The following BMS1 variants were observed in gnomAD, a reference collection of about 807,000 sequenced individuals.
The protein encoded by BMS1 is BMS1 ribosome biogenesis factor.
In BMS1, 53 loss-of-function variants were observed where a neutral mutation model predicts 138.7. The ratio of observed to expected loss-of-function variants is 0.38; its 90% CI spans 0.31 to 0.48. BMS1 has a LOEUF of 0.48. BMS1 is among the 20% of genes least tolerant of loss of function. The pLI, the probability that BMS1 is intolerant of heterozygous loss-of-function variation, is 0.97. For synonymous variants in BMS1, 504 were observed against 539.9 expected (o/e 0.93, Z 0.92); for missense variants, 1,360 against 1,565.5 (o/e 0.87, Z 2.22).
rs1278533247 is a variant in BMS1, at chr10:42,825,925, C to T, written c.3456+2141C>T. On this transcript the variant is annotated intron_variant, in intron 21 of 22. Transcript: ENST00000374518. ...GGTTTTTCATAAATGGGCTTTATTA[C>T]GTTGAGGAACTTTCCTTCTATACAT... Among the ~76,000 whole-genome samples the T allele has an allele frequency of 9.9e-5, 15 of 152,252 alleles. No individual in the cohort carries two copies. The South Asian group carries it at 1.9e-3, about 19-fold the overall frequency.
intron 21 of BMS1, among the ~76,000 whole-genome samples, chr10:42,826,867 A>G (rs1354777215): frequency 6.6e-6 from 1 of 152,128 alleles, no homozygotes; most frequent in Non-Finnish European, 1.5e-5. Context: ...GCACCAAGTC[A>G]ACTCAGGCTC....
chr10:42,786,655 G>A (rs1023208098), intron 3 of BMS1, among the ~76,000 whole-genome samples: 1 of 151,690 alleles, frequency 6.6e-6, no homozygotes, highest in African/African-American at 2.4e-5. Context: ...AAAACTCCTG[G>A]GCTCAAGGGA....
At chr10:42,789,396 A>G (rs191871131) in intron 4 of BMS1, among the ~76,000 whole-genome samples, 36 of 151,286 alleles carry the variant, frequency 2.4e-4, no homozygotes, top group Non-Finnish European at 5.9e-5. Flanking sequence ...AAAGATGGGC[A>G]TTTCTGTTTC....
chr10:42,795,615 CT>C (rs1453913216), intron 9 of BMS1, among the ~76,000 whole-genome samples: 11 of 152,112 alleles, frequency 7.2e-5, no homozygotes, highest in African/African-American at 1.2e-4. Flanking sequence ...GCCACTACCC[CT>C]GGCCTATTAT....
At chr10:42,822,515 A>G (rs112027606) in intron 19 of BMS1, among the ~76,000 whole-genome samples, 5 of 152,216 alleles carry the variant, frequency 3.3e-5, no homozygotes, top group Non-Finnish European at 7.4e-5. Flanking sequence ...TAAGAAAGGG[A>G]AAAAAATCAC....
chr10:42,826,585 G>A (rs1257851144), intron 21 of BMS1, among the ~76,000 whole-genome samples: 1 of 152,206 alleles, frequency 6.6e-6, no homozygotes, highest in Non-Finnish European at 1.5e-5. Flanking sequence ...GGGGAGGCAG[G>A]TGCCTGGGCA....
chr10:42,820,086 C>G (rs1842460680), intron 15 of BMS1, 150 bp from the exon 16 acceptor site: 4 of 1,047,206 alleles, frequency 3.8e-6, no homozygotes, highest in Non-Finnish European at 5.4e-6. Flanking sequence ...GCCACTGTAC[C>G]TGGCCAAATG....
At chr10:42,801,332 C>T (rs1468181500) in intron 12 of BMS1, among the ~76,000 whole-genome samples, 2 of 152,206 alleles carry the variant, frequency 1.3e-5, no homozygotes, top group Non-Finnish European at 2.9e-5. Context: ...TACTCATTTG[C>T]TTTATCCCAT....
intron 15 of BMS1, 70 bp downstream of exon 15, chr10:42,817,564 T>C (rs1473809125): frequency 4.1e-6 from 6 of 1,470,878 alleles, no homozygotes; most frequent in Non-Finnish European, 4.6e-6. Flanking sequence ...CTGACTTTGT[T>C]TGGGTCCCTA....
At chr10:42,818,827 G>A (rs1842422822) in intron 15 of BMS1, among the ~76,000 whole-genome samples, 3 of 152,182 alleles carry the variant, frequency 2.0e-5, no homozygotes, top group South Asian at 4.1e-4. Flanking sequence ...GAGATGGGGC[G>A]ATTGTGGCCG....
chr10:42,817,406 A>T lies in BMS1; in HGVS notation c.2492A>T (p.Lys831Ile). Reference protein sequence around the residue: ...AKKKHLDKKRKLKEMFDAEYD... With the variant: ...AKKKHLDKKRILKEMFDAEYD... ...AAAAAGCATTTGGATAAGAAGAGAA[A>T]ATTGAAGGAGATGTTTGATGCAGAA... Residue 831 changes from lysine (K) to isoleucine (I), a missense_variant, in exon 15 of 23, where the codon AAA becomes ATA. Physicochemically the swap from Lys to Ile is moderately radical, Grantham distance 102 (BLOSUM62 -3). This residue lies in a region of BMS1 where 425 missense variants were observed against 568.3 expected (regional missense o/e 0.75). Transcript: ENST00000374518. 6.2e-7 allele frequency: 1 copy of T among 1,610,034 alleles called. No homozygotes were observed. The highest frequency in any genetic ancestry group is 8.5e-7 in the Non-Finnish European group (1 of 1,179,370).
chr10:42,824,130 T>C (rs1380845469), intron 21 of BMS1, among the ~76,000 whole-genome samples: 1 of 152,324 alleles, frequency 6.6e-6, no homozygotes, highest in East Asian at 1.9e-4. Context: ...AGTTAGATTT[T>C]TTTGTGTGTA....
rs766426242 is a variant in BMS1 at position 42,793,136 on chromosome 10, G to A, written c.1081G>A (p.Val361Ile). The change falls in exon 8 of 23, where the codon GTT (valine) becomes ATT (isoleucine). Residue 361 changes from valine to isoleucine, a missense_variant. Val to Ile is a conservative substitution (Grantham distance 29, BLOSUM62 3). Coordinates refer to ENST00000374518, the MANE Select transcript of BMS1 (RefSeq NM_014753.4). ...AVYVDLGGSH[V>I]FQDEVGPTHE... Reference sequence around the variant, plus strand: ...CTATGTTGACCTTGGTGGCAGCCACGTTTTTCAGGTATCGGTGAGACGGGA... The same window carrying A: ...CTATGTTGACCTTGGTGGCAGCCACATTTTTCAGGTATCGGTGAGACGGGA... 23 of 1,604,878 alleles carry A rather than the reference G, an allele frequency of 1.4e-5. No individual in the cohort carries two copies. The highest frequency in any genetic ancestry group is 3.4e-5 in the Admixed American group (2 of 58,094).
Position 42,830,858 on chromosome 10 carries a change from C to T in BMS1, c.3619-8C>T, listed in dbSNP as rs949689375. On this transcript the variant is annotated splice_polypyrimidine_tract_variant and splice_region_variant and intron_variant, in intron 22 of 22. Coordinates refer to ENST00000374518, the MANE Select transcript of BMS1 (RefSeq NM_014753.4). ...ATTCTGATACTCACCGGCTTTTGTC[C>T]TTGTCAGATCCTTGCACTGCTGGAT... The T allele has an allele frequency of 1.2e-5, 20 of 1,604,558 alleles. No homozygotes were observed. Among genetic ancestry groups the T allele is most frequent in the Non-Finnish European group, 1.7e-5 (20 of 1,175,486 alleles).
At chr10:42,802,256 C>A in intron 13 of BMS1, 38 bp downstream of exon 13, 1 of 1,566,236 alleles carries the variant, frequency 6.4e-7, no homozygotes, top group Non-Finnish European at 8.8e-7. Flanking sequence ...AGACTGGCTT[C>A]TCTAAACTTT....
rs375373088 is a variant in BMS1 at position 42,823,797 on chromosome 10, T to C, written c.3456+13T>C. 2 of 1,546,582 alleles carry C rather than the reference T, an allele frequency of 1.3e-6. No individual in the cohort carries two copies. The highest frequency in any genetic ancestry group is 2.3e-5 in the East Asian group (1 of 43,540). ...CTCTCTGTATAAGGTACTGGTCGCG[T>C]GTGTGTTAGTGGAGATGAAGCCTGT... is the stretch of plus-strand genomic sequence containing the variant. On this transcript the variant is annotated intron_variant, in intron 21 of 22. Coordinates refer to ENST00000374518, the MANE Select transcript of BMS1 (RefSeq NM_014753.4).
chr10:42,808,192 G>A (rs1343589910), intron 13 of BMS1, among the ~76,000 whole-genome samples: 1 of 151,994 alleles, frequency 6.6e-6, no homozygotes, highest in Non-Finnish European at 1.5e-5. Context: ...CGTCGGATGT[G>A]TGATTTGCAG....
chr10:42,802,062 C>T (rs1360632815), intron 12 of BMS1, 75 bp from the exon 13 acceptor site: 3 of 1,153,544 alleles, frequency 2.6e-6, no homozygotes, highest in African/African-American at 3.1e-5. Context: ...CAAGTTGTCA[C>T]CTACTGCCAT....
chr10:42,832,415 A>C lies in BMS1; in HGVS notation c.*1319A>C. On this transcript the variant is annotated 3_prime_UTR_variant, in exon 23 of 23. Transcript: ENST00000374518. ...ACTCCAGCCTGGGCGACAGGGCAAG[A>C]CCCTGTTTCAAAAAAAAAAAATTAT... 2.4e-5 allele frequency: 1 copy of C among 41,648 alleles called. No individual in the cohort carries two copies. Among genetic ancestry groups the C allele is most frequent in the Non-Finnish European group, 4.3e-5 (1 of 23,110 alleles). The allele number at this position is 41,648 out of a possible 1,614,324, so 2.6% of individuals were successfully genotyped here. A position where few individuals can be genotyped will look rare whatever the true frequency, so the allele number is the denominator to read the frequency against.
Sources: gnomAD v4.1 joint callset for allele counts (sites outside exome capture counted in the v4.1 genomes callset) on GRCh38, gnomAD v4.1.1 for gene constraint, gnomAD v4.1.1 regional missense constraint, MANE v1.5 for transcripts, NCBI Gene and HGNC (gene_info 2026-07-23, HGNC 2026-07-21) for gene names.